The following LRRC4C variants were observed in gnomAD, a reference collection of about 807,000 sequenced individuals.
The protein encoded by LRRC4C is leucine rich repeat containing 4C.
Under a neutral mutation model 33.6 loss-of-function variants are expected in LRRC4C, and 5 were observed. That is an observed-to-expected ratio of 0.15 (90% confidence interval 0.08 to 0.31). The LOEUF (loss-of-function observed/expected upper bound fraction) is 0.31. Among genes scored for constraint, LRRC4C ranks in the 10% least tolerant of loss-of-function variants. The pLI is 1.00. For missense variants in LRRC4C, 560 were observed against 796.7 expected (o/e 0.70, Z 3.58); for synonymous variants, 329 against 302.0 (o/e 1.09, Z -0.93).
intron 3 of LRRC4C, among the ~76,000 whole-genome samples, chr11:40,393,287 T>A (rs1013655257): frequency 6.6e-6 from 1 of 152,190 alleles, no homozygotes; most frequent in African/African-American, 2.4e-5. Flanking sequence ...TGTCTTGAAC[T>A]AATGCTTTCA....
intron 1 of LRRC4C, among the ~76,000 whole-genome samples, chr11:41,093,967 G>A (rs1012194167): frequency 1.4e-5 from 2 of 147,778 alleles, no homozygotes; most frequent in Admixed American, 6.8e-5. Flanking sequence ...AAAATAGCCA[G>A]GTGTAGTGGC....
intron 2 of LRRC4C, among the ~76,000 whole-genome samples, chr11:40,655,419 G>A (rs1249093389): frequency 6.6e-6 from 1 of 152,124 alleles, no homozygotes; most frequent in Non-Finnish European, 1.5e-5. Flanking sequence ...AATTTATCTG[G>A]TTAATAAATA....
intron 3 of LRRC4C, among the ~76,000 whole-genome samples, chr11:40,581,693 G>T (rs1958473058): frequency 6.6e-6 from 1 of 152,066 alleles, no homozygotes; most frequent in Non-Finnish European, 1.5e-5. Context: ...CACGAGGTCG[G>T]GAGTTCGAGA....
intron 3 of LRRC4C, among the ~76,000 whole-genome samples, chr11:40,400,540 A>C (rs1045025040): frequency 6.6e-6 from 1 of 152,052 alleles, no homozygotes; most frequent in Non-Finnish European, 1.5e-5. Context: ...ATAGCTCTTC[A>C]GTACTACCTG....
rs1036810326 is a variant in LRRC4C at position 40,245,237 on chromosome 11, C to T, written c.-175-3639G>A. ...CCCAAGTCAAAGTTACCTTTCCTTCCTCTAAAGAATGTAACTCTGTACATT... is the reference window on the plus strand; with the variant it reads ...CCCAAGTCAAAGTTACCTTTCCTTCTTCTAAAGAATGTAACTCTGTACATT... On this transcript the variant is annotated intron_variant, in intron 4 of 6. Coordinates refer to ENST00000528697, the MANE Select transcript of LRRC4C (RefSeq NM_001258419.2). Among the ~76,000 whole-genome samples the T allele has an allele frequency of 4.6e-5, 7 of 152,248 alleles. No homozygotes were observed. In the South Asian group the frequency reaches 1.2e-3, roughly 27 times the overall value.
chr11:41,155,549 C>A (rs1156253579), intron 1 of LRRC4C, among the ~76,000 whole-genome samples: 1 of 152,056 alleles, frequency 6.6e-6, no homozygotes, highest in African/African-American at 2.4e-5. Context: ...TTTGCTCTCC[C>A]TCTTCCAATG....
intron 6 of LRRC4C, among the ~76,000 whole-genome samples, chr11:40,130,316 C>T (rs1856559278): frequency 1.3e-5 from 2 of 152,076 alleles, no homozygotes; most frequent in African/African-American, 4.8e-5. Flanking sequence ...GTCTGGAGCC[C>T]CACAATGCAT....
At chr11:41,217,664 G>A (rs1947118135) in intron 1 of LRRC4C, among the ~76,000 whole-genome samples, 1 of 152,120 alleles carries the variant, frequency 6.6e-6, no homozygotes, top group South Asian at 2.1e-4. Flanking sequence ...GAATGAACTA[G>A]TGATGAAAAA....
chr11:40,311,381 T>C (rs190844054), intron 4 of LRRC4C, among the ~76,000 whole-genome samples: 1 of 152,298 alleles, frequency 6.6e-6, no homozygotes, highest in African/African-American at 2.4e-5. Flanking sequence ...GTGCCTAATT[T>C]TGTGGCATAA....
chr11:41,263,653 T>C (rs1949053983), intron 1 of LRRC4C, among the ~76,000 whole-genome samples: 1 of 152,170 alleles, frequency 6.6e-6, no homozygotes, highest in South Asian at 2.1e-4. Flanking sequence ...TTTCAGTTCT[T>C]TTCTCCAGGG....
chr11:40,924,636 A>G (rs1023753962), intron 2 of LRRC4C, among the ~76,000 whole-genome samples: 2 of 152,160 alleles, frequency 1.3e-5, no homozygotes, highest in Admixed American at 1.3e-4. Context: ...TAGCTAGAAG[A>G]GAGGATCTGG....
At chr11:40,166,189 G>A (rs1156475374) in intron 5 of LRRC4C, among the ~76,000 whole-genome samples, 1 of 152,122 alleles carries the variant, frequency 6.6e-6, no homozygotes, top group Non-Finnish European at 1.5e-5. Context: ...AAACTGAAAT[G>A]AGAACTAGCC....
intron 3 of LRRC4C, among the ~76,000 whole-genome samples, chr11:40,398,807 T>G (rs1949645015): frequency 6.6e-6 from 1 of 152,048 alleles, no homozygotes; most frequent in South Asian, 2.1e-4. Context: ...AGAAAGGGAA[T>G]TTTTTAAATG....
chr11:40,912,770 A>G (rs1956761433), intron 2 of LRRC4C, among the ~76,000 whole-genome samples: 2 of 152,316 alleles, frequency 1.3e-5, no homozygotes, highest in South Asian at 4.1e-4. Flanking sequence ...TAAAGAGTCA[A>G]GACCCATCAG....
At chr11:41,140,303 C>T (rs1324059049) in intron 1 of LRRC4C, among the ~76,000 whole-genome samples, 2 of 150,608 alleles carry the variant, frequency 1.3e-5, no homozygotes, top group African/African-American at 4.9e-5. Context: ...CCACCCTTCT[C>T]CATATGAGTT....
chr11:41,357,244 C>T (rs778921774), intron 1 of LRRC4C, among the ~76,000 whole-genome samples: 25 of 152,032 alleles, frequency 1.6e-4, no homozygotes, highest in Non-Finnish European at 3.7e-4. Flanking sequence ...CCTTAATGCT[C>T]TTAATCTAAA....
At chr11:41,130,743 A>G (rs1414255397) in intron 1 of LRRC4C, among the ~76,000 whole-genome samples, 2 of 152,006 alleles carry the variant, frequency 1.3e-5, no homozygotes, top group Non-Finnish European at 1.5e-5. Flanking sequence ...CATCAATCAC[A>G]TATTTTTTGC....
intron 3 of LRRC4C, among the ~76,000 whole-genome samples, chr11:40,502,752 A>G (rs1954840250): frequency 6.6e-6 from 1 of 152,122 alleles, no homozygotes; most frequent in Non-Finnish European, 1.5e-5. Context: ...CTTATGACTA[A>G]TAGTTTTATG....
chr11:41,316,614 G>T (rs1328328702), intron 1 of LRRC4C, among the ~76,000 whole-genome samples: 1 of 152,084 alleles, frequency 6.6e-6, no homozygotes, highest in Non-Finnish European at 1.5e-5. Context: ...CATTTTGTAG[G>T]ACTTCTTATA....
Sources: gnomAD v4.1 joint callset for allele counts (sites outside exome capture counted in the v4.1 genomes callset) on GRCh38, gnomAD v4.1.1 for gene constraint, MANE v1.5 for transcripts, NCBI Gene and HGNC (gene_info 2026-07-23, HGNC 2026-07-21) for gene names.